The following PCID2 variants were observed in gnomAD, a reference collection of about 807,000 sequenced individuals.
PCID2 encodes PCI domain containing 2.
A neutral mutation model predicts 61.3 loss-of-function variants in PCID2; 41 were observed. The observed-to-expected ratio is 0.67, with a 90% CI of 0.52 to 0.87. PCID2 has a LOEUF of 0.87. PCID2 is among the 40% of genes least tolerant of loss of function. PCID2 has a pLI of 0.00. For synonymous variants in PCID2, 187 were observed against 177.8 expected (o/e 1.05, Z -0.41); for missense variants, 392 against 493.4 (o/e 0.79, Z 1.95).
the PCID2 span, chr13:113,172,020 C>T: frequency 4.6e-5 from 75 of 1,612,954 alleles, no homozygotes; most frequent in African/African-American, 1.9e-4. Context: ...GTCCTGGGCT[C>T]GCAGCCAGTA....
rs552678129 is a variant in PCID2, at chr13:113,196,269, C to T, written c.267-47G>A. 2.0e-5 allele frequency: 27 copies of T among 1,374,460 alleles called. No individual in the cohort carries two copies. The Middle Eastern group carries it at 5.5e-4, about 28-fold the overall frequency. 85.1% of individuals were successfully genotyped at this position (1,374,460 alleles called of 1,614,324 possible). A position where few individuals can be genotyped will look rare whatever the true frequency, so the allele number is the denominator to read the frequency against. On this transcript the variant is annotated intron_variant, in intron 4 of 13. Transcript: ENST00000337344. ...GGCATACAAAGTTCAAATAATGCTA[C>T]GTACGATAAAAGTAAAGAATAAGAA...
chr13:113,187,156 C>T (rs1173033099), intron 7 of PCID2: 1 of 152,154 alleles, frequency 6.6e-6, no homozygotes, highest in Non-Finnish European at 1.5e-5. Context: ...CTTCAAAGAG[C>T]TATGGAAAAA....
intron 1 of PCID2, among the ~76,000 whole-genome samples, chr13:113,207,358 AAAGATT>A (rs1298411059): frequency 6.6e-6 from 1 of 152,266 alleles, no homozygotes; most frequent in Non-Finnish European, 1.5e-5. Context: ...AAAAATTGTA[AAAGATT>A]AAGAAAATTC....
At chr13:113,172,989 G>A (rs920874051), downstream of PCID2, among the ~76,000 whole-genome samples, 1 of 152,156 alleles carries the variant, frequency 6.6e-6, no homozygotes, top group African/African-American at 2.4e-5. Context: ...GGGGAGGTGG[G>A]GCCCTTGGGA....
At chr13:113,165,270 T>G in the PCID2 span, 11 of 758,198 alleles carry the variant, frequency 1.5e-5, no homozygotes, top group Admixed American at 4.0e-5. Context: ...TATTCACACT[T>G]CCAACCATGT....
chr13:113,165,162 C>T, the PCID2 span: 3 of 1,557,380 alleles, frequency 1.9e-6, no homozygotes, highest in Non-Finnish European at 2.6e-6. Flanking sequence ...ATTGTTATGA[C>T]TTTCACCTCA....
At chr13:113,174,936 G>T (rs1053238234), downstream of PCID2, among the ~76,000 whole-genome samples, 1 of 152,148 alleles carries the variant, frequency 6.6e-6, no homozygotes, top group African/African-American at 2.4e-5. Flanking sequence ...TTGACTTTGC[G>T]TCTCCACCCA....
At chr13:113,181,366 C>T (rs1055843998) in intron 9 of PCID2, 136 bp from the exon 10 acceptor site, 27 of 584,494 alleles carry the variant, frequency 4.6e-5, no homozygotes, top group Non-Finnish European at 7.6e-5. Flanking sequence ...AAATATCATC[C>T]CAGTTTCATT....
the PCID2 span, among the ~76,000 whole-genome samples, chr13:113,166,790 G>A: frequency 6.6e-6 from 1 of 152,202 alleles, no homozygotes; most frequent in Admixed American, 6.5e-5. Flanking sequence ...GAGTGCAGTG[G>A]TCCTCCATAG....
the PCID2 span, chr13:113,170,446 TGTG>T: frequency 2.5e-6 from 4 of 1,608,950 alleles, no homozygotes; most frequent in Non-Finnish European, 3.4e-6. Flanking sequence ...AAAAGACTTC[TGTG>T]GTGGTGTTAT....
At chr13:113,185,759 A>G (rs1394951761) in intron 7 of PCID2, 199 bp from the exon 8 acceptor site, 4 of 445,820 alleles carry the variant, frequency 9.0e-6, no homozygotes, top group Non-Finnish European at 1.2e-5. Flanking sequence ...CTGATGGGTA[A>G]AAATAAAAGA....
intron 10 of PCID2, 149 bp from the exon 11 acceptor site, chr13:113,180,380 GA>G: frequency 1.6e-6 from 1 of 644,354 alleles, no homozygotes; most frequent in Non-Finnish European, 2.7e-6. Context: ...AGTACACTAG[GA>G]AAACAACACA....
intron 6 of PCID2, among the ~76,000 whole-genome samples, chr13:113,191,929 T>C (rs977632481): frequency 4.6e-5 from 7 of 152,086 alleles, no homozygotes; most frequent in African/African-American, 1.7e-4. Context: ...AATCAGTCAA[T>C]CAACAAACCA....
the PCID2 span, among the ~76,000 whole-genome samples, chr13:113,169,162 T>C: frequency 1.3e-5 from 2 of 152,236 alleles, no homozygotes; most frequent in Admixed American, 1.3e-4. Flanking sequence ...CTCCGTTCTC[T>C]CCGTGTTTTA....
At position 113,184,419 on chromosome 13, in the gene PCID2, G is replaced by A. The variant is rs569206195; in HGVS notation, c.612C>T (p.Tyr204=). ...TGTATGTTACTCTCTGTGCAGTGCT[G>A]TAATCGTCTTTCAGGTTTGAGCTGT... The part of the protein sequence containing the change: ...AIDSSNLKDD[Y]STAQRVTYKY... Residue 204 remains tyrosine, a synonymous_variant, in exon 9 of 14, where the codon TAC becomes TAT. Transcript: ENST00000337344. The A allele has an allele frequency of 6.8e-6, 11 of 1,607,256 alleles. 1 individual carries two copies. In the South Asian group the frequency reaches 1.2e-4, roughly 18 times the overall value.
intron 6 of PCID2, 45 bp downstream of exon 6, chr13:113,195,026 C>A (rs753244284): frequency 7.6e-7 from 1 of 1,321,798 alleles, no homozygotes; most frequent in Admixed American, 1.7e-5. Context: ...CAGATAGTCA[C>A]CAAGTTTTAG....
chr13:113,180,612 G>A (rs1010718940), intron 10 of PCID2, among the ~76,000 whole-genome samples: 2 of 152,220 alleles, frequency 1.3e-5, no homozygotes, highest in Admixed American at 6.5e-5. Context: ...TGAGAAGTGA[G>A]GAGGGCAAGG....
intron 6 of PCID2, among the ~76,000 whole-genome samples, chr13:113,193,455 C>T (rs1177827346): frequency 6.6e-6 from 1 of 152,156 alleles, no homozygotes; most frequent in Non-Finnish European, 1.5e-5. Flanking sequence ...AGAGTAAGTG[C>T]AGAAGCAGGC....
the PCID2 span, chr13:113,172,482 G>C: frequency 6.2e-6 from 2 of 324,984 alleles, no homozygotes; most frequent in South Asian, 5.4e-5. Context: ...GTGTGTTCTG[G>C]TGCAGAAGCG....
Sources: gnomAD v4.1 joint callset for allele counts (sites outside exome capture counted in the v4.1 genomes callset) on GRCh38, gnomAD v4.1.1 for gene constraint, MANE v1.5 for transcripts, NCBI Gene and HGNC (gene_info 2026-07-23, HGNC 2026-07-21) for gene names.